Variants in RGS3 observed in about 807,000 individuals in gnomAD.
The protein encoded by RGS3 is regulator of G-protein signalling 3.
Under a neutral mutation model 132.6 loss-of-function variants are expected in RGS3, and 80 were observed. That is an observed-to-expected ratio of 0.60 (90% confidence interval 0.50 to 0.73). The LOEUF (loss-of-function observed/expected upper bound fraction) is 0.73, where lower values mean the gene tolerates loss of function less well. Among genes scored for constraint, RGS3 ranks in the 30% least tolerant of loss-of-function variants. The probability of loss-of-function intolerance (pLI) is 0.00; values close to 1 mark genes in which losing one functional copy is unlikely to be tolerated. For missense variants in RGS3, 1,382 were observed against 1,530.8 expected, an observed-to-expected ratio of 0.90 and a Z score of 1.62; for synonymous variants, 598 against 620.6, an observed-to-expected ratio of 0.96 and a Z score of 0.54.
chr9:113,551,334 G>C (rs959746619), intron 19 of RGS3, among the ~76,000 whole-genome samples: 1 of 152,160 alleles, frequency 6.6e-6, no homozygotes. Context: ...ATAATATTCT[G>C]TTGTATGGAA....
chr9:113,522,017 T>C (rs1831981933), intron 16 of RGS3, among the ~76,000 whole-genome samples: 1 of 152,212 alleles, frequency 6.6e-6, no homozygotes, highest in African/African-American at 2.4e-5. Flanking sequence ...TAAAGGCCAC[T>C]GCAGGATTTG....
intron 19 of RGS3, among the ~76,000 whole-genome samples, chr9:113,567,387 G>T (rs1051669407): frequency 6.6e-6 from 1 of 152,314 alleles, no homozygotes; most frequent in African/African-American, 2.4e-5. Context: ...TTCCTTAGTC[G>T]CAAGGACCTG....
At chr9:113,594,847 G>T (rs1018667078) in intron 22 of RGS3, 72 bp from the exon 21 acceptor site, 62 of 1,468,754 alleles carry the variant, frequency 4.2e-5, no homozygotes, top group Non-Finnish European at 5.8e-5. Context: ...AACAAAGGCC[G>T]CCTGGCCCAG....
chr9:113,491,464 T>G (rs1439718107), intron 7 of RGS3, among the ~76,000 whole-genome samples: 1 of 151,986 alleles, frequency 6.6e-6, no homozygotes, highest in East Asian at 1.9e-4. Context: ...TTGGCCAGGC[T>G]GGTCTCCATC....
intron 7 of RGS3, among the ~76,000 whole-genome samples, chr9:113,486,204 G>A (rs1315645851): frequency 6.6e-6 from 1 of 152,214 alleles, no homozygotes; most frequent in Non-Finnish European, 1.5e-5. Context: ...AAGAGGGAGA[G>A]TTCACTGTGG....
chr9:113,578,535 G>C (rs561210823), intron 19 of RGS3, among the ~76,000 whole-genome samples: 79 of 152,298 alleles, frequency 5.2e-4, no homozygotes, highest in Non-Finnish European at 9.8e-4. Flanking sequence ...AGGTAGAGGG[G>C]AGAGGAGTAT....
intron 19 of RGS3, among the ~76,000 whole-genome samples, chr9:113,572,424 G>A (rs1382809646): frequency 2.0e-5 from 3 of 152,052 alleles, no homozygotes; most frequent in Non-Finnish European, 4.4e-5. Context: ...GTGTGCCTGA[G>A]GCTCGGGAGG....
intron 7 of RGS3, among the ~76,000 whole-genome samples, chr9:113,491,685 G>C (rs1830527769): frequency 6.6e-6 from 1 of 151,540 alleles, no homozygotes; most frequent in Admixed American, 6.6e-5. Context: ...CTTCCAAGTA[G>C]CTGGGATTAC....
chr9:113,482,939 G>A (rs767377099), intron 4 of RGS3, 120 bp from the exon 3 acceptor site: 11 of 1,567,062 alleles, frequency 7.0e-6, no homozygotes, highest in East Asian at 4.6e-5. Flanking sequence ...TCACAGATAC[G>A]CTTTTCTTTT....
At chr9:113,570,683 C>T (rs1450436217) in intron 19 of RGS3, among the ~76,000 whole-genome samples, 2 of 151,916 alleles carry the variant, frequency 1.3e-5, no homozygotes, top group Non-Finnish European at 2.9e-5. Flanking sequence ...CAGAGTCTCG[C>T]TCTGTTGCCC....
At chr9:113,548,312 G>A (rs1202320939) in intron 19 of RGS3, among the ~76,000 whole-genome samples, 1 of 152,212 alleles carries the variant, frequency 6.6e-6, no homozygotes, top group South Asian at 2.1e-4. Context: ...CTTGGGAAAT[G>A]TAAGTCACTG....
intron 9 of RGS3, 78 bp downstream of exon 7, chr9:113,497,482 G>A: frequency 8.5e-7 from 1 of 1,175,676 alleles, no homozygotes; most frequent in Admixed American, 2.0e-5. Flanking sequence ...CATCAGTACT[G>A]GTATTTGGTG....
At chr9:113,454,723 A>G (rs1829329113) in intron 1 of RGS3, among the ~76,000 whole-genome samples, 1 of 141,898 alleles carries the variant, frequency 7.0e-6, no homozygotes, top group Non-Finnish European at 1.5e-5. Flanking sequence ...CAAGTACAGC[A>G]TTTAATCTAG....
intron 3 of RGS3, among the ~76,000 whole-genome samples, chr9:113,474,843 C>T (rs1225149662): frequency 6.6e-6 from 1 of 152,182 alleles, no homozygotes; most frequent in African/African-American, 2.4e-5. Context: ...CATGGGCTCC[C>T]ACTGGGACAC....
chr9:113,506,337 A>C lies in RGS3; in HGVS notation c.980-51A>C, dbSNP rs751295256. 2 of 1,168,520 alleles carry C rather than the reference A, an allele frequency of 1.7e-6. No homozygotes were observed. Among genetic ancestry groups the C allele is most frequent in the Non-Finnish European group, 1.3e-6 (1 of 797,676 alleles). 72.4% of individuals were successfully genotyped at this position (1,168,520 alleles called of 1,614,324 possible). A position where few individuals can be genotyped will look rare whatever the true frequency, so the allele number is the denominator to read the frequency against. ...CAGCAAAGGACTCCAGATCCTTTGA[A>C]GGGGTCTTAGGCTTCAGGGGCCCCT... On this transcript the variant is annotated intron_variant, in intron 11 of 24. Coordinates refer to ENST00000350696, the Ensembl canonical transcript of RGS3. The surrounding 1 kb of genome is among the most constrained non-coding windows in gnomAD (Gnocchi z 4.7).
chr9:113,507,503 G>A lies in RGS3; in HGVS notation c.1302G>A (p.Leu434=). ...TGGTATGTGACAGCTCTGATGGGCT[G>A]CTGCTCGGCGGCTGGGAGCGCTACA... The change falls in exon 13 of 25, where the codon CTG becomes CTA. Residue 434 remains leucine, a synonymous_variant. Coordinates refer to ENST00000350696, the Ensembl canonical transcript of RGS3. The surrounding 1 kb of genome is among the most constrained non-coding windows in gnomAD (Gnocchi z 5.0). The A allele has an allele frequency of 1.2e-6, 2 of 1,610,824 alleles. No homozygotes were observed. Among genetic ancestry groups the A allele is most frequent in the Non-Finnish European group, 1.7e-6 (2 of 1,178,590 alleles).
intron 7 of RGS3, among the ~76,000 whole-genome samples, chr9:113,490,920 A>G (rs1830493210): frequency 7.6e-6 from 1 of 131,404 alleles, no homozygotes; most frequent in South Asian, 2.2e-4. Context: ...ATCAGTATAT[A>G]TAATTATATA....
intron 10 of RGS3, among the ~76,000 whole-genome samples, chr9:113,504,013 G>C (rs1831027718): frequency 6.6e-6 from 1 of 152,088 alleles, no homozygotes; most frequent in Non-Finnish European, 1.5e-5. Flanking sequence ...TGTCTGTCAG[G>C]TTTCCTGTTT....
chr9:113,469,827 C>G (rs1377863492), intron 3 of RGS3, among the ~76,000 whole-genome samples: 2 of 151,162 alleles, frequency 1.3e-5, no homozygotes, highest in Non-Finnish European at 2.9e-5. Context: ...GCATTTTAGT[C>G]AGAGAATATA....
Sources: allele counts gnomAD v4.1 joint callset (sites outside exome capture counted in the v4.1 genomes callset), GRCh38; gene constraint gnomAD v4.1.1; non-coding constraint Gnocchi (gnomAD v3.1); transcripts MANE v1.5; gene names NCBI Gene and HGNC (gene_info 2026-07-23, HGNC 2026-07-21).